EVC2: variants seen among roughly 807,000 people sequenced by gnomAD.
EVC2 encodes limbin.
Under a neutral mutation model 149.3 loss-of-function variants are expected in EVC2, and 148 were observed. The ratio of observed to expected loss-of-function variants is 0.99; its 90% CI spans 0.87 to 1.14. The LOEUF (loss-of-function observed/expected upper bound fraction) is 1.14, where lower values mean the gene tolerates loss of function less well. Ranked by LOEUF, EVC2 falls within the 50% of genes most tolerant of loss-of-function variation. The pLI is 0.00. For missense variants in EVC2, 1,854 were observed against 1,627.3 expected (o/e 1.14, Z -2.40); for synonymous variants, 776 against 649.9 (o/e 1.19, Z -2.95).
chr4:5,539,792 C>A (rs571772727), downstream of EVC2, among the ~76,000 whole-genome samples: 67 of 152,294 alleles, frequency 4.4e-4, 1 homozygote, highest in Admixed American at 4.3e-3. Flanking sequence ...CACACACACA[C>A]ACACACACTT....
intron 21 of EVC2, among the ~76,000 whole-genome samples, chr4:5,547,813 G>T (rs1245703437): frequency 6.6e-6 from 1 of 152,184 alleles, no homozygotes; most frequent in Non-Finnish European, 1.5e-5. Flanking sequence ...CCCCTTGCTC[G>T]CCATGTTGTG....
intron 17 of EVC2, among the ~76,000 whole-genome samples, chr4:5,579,221 A>G (rs1359616482): frequency 6.6e-6 from 1 of 152,172 alleles, no homozygotes; most frequent in Non-Finnish European, 1.5e-5. Context: ...GGACAGGAAC[A>G]TGGGCTTTGG....
intron 21 of EVC2, among the ~76,000 whole-genome samples, chr4:5,563,767 C>T (rs553447243): frequency 4.9e-4 from 75 of 152,226 alleles, no homozygotes; most frequent in African/African-American, 1.7e-3. Context: ...GCCCCCCTCC[C>T]CACAAGCCAA....
At chr4:5,539,430 G>T (rs1444743827), downstream of EVC2, among the ~76,000 whole-genome samples, 2 of 152,162 alleles carry the variant, frequency 1.3e-5, no homozygotes, top group South Asian at 2.1e-4. Flanking sequence ...GAATTGAGAA[G>T]TAATTCTAAA....
intron 20 of EVC2, among the ~76,000 whole-genome samples, chr4:5,565,878 C>A (rs964253369): frequency 2.0e-5 from 3 of 152,284 alleles, no homozygotes; most frequent in African/African-American, 7.2e-5. Flanking sequence ...TCTATGGGAT[C>A]ACAGACAGAA....
At chr4:5,558,128 A>G (rs185934695), downstream of EVC2, among the ~76,000 whole-genome samples, 92 of 152,334 alleles carry the variant, frequency 6.0e-4, no homozygotes, top group African/African-American at 2.2e-3. Flanking sequence ...AAAGAAAAAC[A>G]AAGTTGGAGA....
chr4:5,653,656 A>G (rs957421313), intron 9 of EVC2, among the ~76,000 whole-genome samples: 10 of 152,348 alleles, frequency 6.6e-5, no homozygotes, highest in East Asian at 1.9e-4. Flanking sequence ...TAATGTATCA[A>G]TATTGGATCA....
intron 7 of EVC2, among the ~76,000 whole-genome samples, chr4:5,680,933 C>T (rs1468008433): frequency 6.6e-6 from 1 of 152,222 alleles, no homozygotes; most frequent in African/African-American, 2.4e-5. Flanking sequence ...TCTGGGAAAA[C>T]ACAATGTCAC....
At chr4:5,653,266 A>T (rs1718273021) in intron 9 of EVC2, among the ~76,000 whole-genome samples, 1 of 152,218 alleles carries the variant, frequency 6.6e-6, no homozygotes, top group Admixed American at 6.5e-5. Flanking sequence ...TTATGACTTC[A>T]ACATAGCTTT....
In EVC2 at chr4:5,706,477, G is replaced by C. The variant is rs115825053; in HGVS notation, c.228+1809C>G. Among the ~76,000 whole-genome samples the C allele has an allele frequency of 6.7e-3, 855 of 128,530 alleles. 16 individuals carry two copies. The highest frequency in any genetic ancestry group is 0.016 in the African/African-American group (483 of 30,434). 84.3% of individuals were successfully genotyped at this position (128,530 alleles called of 152,430 possible). ...ACATACATACATACATACATACATA[G>C]ATAATATTGAATGAATGGATGGATA... On this transcript the variant is annotated intron_variant, in intron 1 of 21. Coordinates refer to ENST00000344408, the MANE Select transcript of EVC2 (RefSeq NM_147127.5).
chr4:5,668,710 G>T (rs958441131), intron 7 of EVC2, among the ~76,000 whole-genome samples: 15 of 152,144 alleles, frequency 9.9e-5, no homozygotes, highest in Admixed American at 7.9e-4. Context: ...CTTCAAAGAA[G>T]GCAACAACTT....
rs570540551 is a variant in EVC2, at chr4:5,594,682, C to T, written c.2830-9832G>A. Among the ~76,000 whole-genome samples, 51 of 152,290 alleles carry T rather than the reference C, an allele frequency of 3.3e-4. No homozygotes were observed. In the South Asian group the frequency reaches 6.0e-3, roughly 18 times the overall value. The stretch of plus-strand genomic sequence containing the variant: ...GAGCGCCTCTCCTCCTCCAAAGGAA[C>T]GCAGCTCCTCACCAGCAACGGAACA... On this transcript the variant is annotated intron_variant, in intron 16 of 21. Coordinates refer to ENST00000344408, the MANE Select transcript of EVC2 (RefSeq NM_147127.5).
chr4:5,551,010 T>C (rs1438432511), intron 21 of EVC2, among the ~76,000 whole-genome samples: 2 of 152,138 alleles, frequency 1.3e-5, no homozygotes, highest in Non-Finnish European at 2.9e-5. Context: ...AGAAATTGTA[T>C]GGAAATGCCT....
At chr4:5,666,968 A>G (rs767085949) in intron 7 of EVC2, among the ~76,000 whole-genome samples, 21 of 152,202 alleles carry the variant, frequency 1.4e-4, no homozygotes, top group African/African-American at 4.3e-4. Flanking sequence ...TGATGGTGCC[A>G]TTCTACTGTC....
chr4:5,531,061 T>G, the EVC2 span, among the ~76,000 whole-genome samples: 4 of 152,144 alleles, frequency 2.6e-5, no homozygotes, highest in African/African-American at 9.7e-5. Context: ...GTTATTACTG[T>G]TATTACCCTC....
chr4:5,634,600 C>T (rs1409980573), intron 10 of EVC2, among the ~76,000 whole-genome samples: 1 of 152,152 alleles, frequency 6.6e-6, no homozygotes, highest in African/African-American at 2.4e-5. Flanking sequence ...AAGTATGAGG[C>T]AATGATGTAT....
At chr4:5,561,367 T>C (rs1398478681), downstream of EVC2, among the ~76,000 whole-genome samples, 1 of 152,186 alleles carries the variant, frequency 6.6e-6, no homozygotes, top group Non-Finnish European at 1.5e-5. Context: ...CACTCCACTT[T>C]CTCTGTTCTC....
rs193164309 is a variant in EVC2, at chr4:5,706,192, C to T, written c.228+2094G>A. ...GACCTCCTTCCTCCACCCTCTCTCA[C>T]GGCTCCCCATCCTCCTCCTCACAGC... On this transcript the variant is annotated intron_variant, in intron 1 of 21. Transcript: ENST00000344408. Among the ~76,000 whole-genome samples the T allele has an allele frequency of 2.8e-4, 43 of 151,914 alleles. No homozygotes were observed. In the East Asian group the frequency reaches 6.4e-3, roughly 23 times the overall value.
chr4:5,694,007 ACTG>A (rs1721297514), intron 3 of EVC2, among the ~76,000 whole-genome samples: 2 of 152,234 alleles, frequency 1.3e-5, no homozygotes, highest in South Asian at 2.1e-4. Flanking sequence ...TGAAATGTTC[ACTG>A]CTATTATGGG....
Sources: allele counts gnomAD v4.1 joint callset (sites outside exome capture counted in the v4.1 genomes callset), GRCh38; gene constraint gnomAD v4.1.1; transcripts MANE v1.5; gene names NCBI Gene and HGNC (gene_info 2026-07-23, HGNC 2026-07-21).